The following RGL4 variants were observed in gnomAD, a reference collection of about 807,000 sequenced individuals.
RGL4 encodes the protein ral-GDS-related protein.
Under a neutral mutation model 49.6 loss-of-function variants are expected in RGL4, and 41 were observed. The ratio of observed to expected loss-of-function variants is 0.83; its 90% CI spans 0.64 to 1.07. The LOEUF is 1.07. Ranked by LOEUF, RGL4 falls within the 50% of genes least tolerant of loss-of-function variation. RGL4 has a pLI of 0.00. For missense variants in RGL4, 610 were observed against 591.9 expected, an observed-to-expected ratio of 1.03 and a Z score of -0.32; for synonymous variants, 255 against 238.0, an observed-to-expected ratio of 1.07 and a Z score of -0.66.
chr22:23,697,744 C>T, intron 8 of RGL4, 94 bp from the exon 9 acceptor site: 1 of 1,375,964 alleles, frequency 7.3e-7, no homozygotes, highest in East Asian at 2.4e-5. Flanking sequence ...TCCCCTGACC[C>T]TGGTGGCCCT....
At chr22:23,696,721 G>T (rs768525561) in intron 7 of RGL4, 33 bp downstream of exon 7, 2 of 1,588,364 alleles carry the variant, frequency 1.3e-6, no homozygotes, top group South Asian at 2.2e-5. Context: ...CGGGCCGCAG[G>T]GGATCAGAGG....
In RGL4 at chr22:23,692,144, G is replaced by C; in HGVS notation, c.114G>C (p.Thr38=). Residue 38 remains threonine (T), a synonymous_variant, in exon 1 of 11, where the codon ACG becomes ACC. Coordinates refer to ENST00000290691, the MANE Select transcript of RGL4 (RefSeq NM_153615.2). ...EENVCGTPGR[T]RVCTALLYGQ... ...ATGTCTGTGGGACGCCAGGGCGCAC[G>C]AGGGTCTGTACAGCCCTGCTGTATG... 6.2e-7 allele frequency: 1 copy of C among 1,614,218 alleles called. No homozygotes were observed. The highest frequency in any genetic ancestry group is 8.5e-7 in the Non-Finnish European group (1 of 1,180,040).
chr22:23,691,044 G>A lies in RGL4; in HGVS notation c.-987G>A, dbSNP rs925539358. On this transcript the variant is annotated 5_prime_UTR_variant, in exon 1 of 11. Transcript: ENST00000290691. ...TCTCGGAGCCTCGGTTGGCTCCTCT[G>A]GAACAGGGAGTAGTGAGAAGACGAA... 6.6e-6 allele frequency: 1 copy of A among 152,214 alleles called. No homozygotes were observed. The highest frequency in any genetic ancestry group is 1.5e-5 in the Non-Finnish European group (1 of 68,078). The allele number at this position is 152,214 out of a possible 1,614,324, so 9.4% of individuals were successfully genotyped here.
At chr22:23,698,095 C>T in intron 9 of RGL4, 117 bp from the exon 10 acceptor site, 1 of 1,381,012 alleles carries the variant, frequency 7.2e-7, no homozygotes, top group Non-Finnish European at 9.9e-7. Context: ...GCTGGGGGCG[C>T]TGCATGGGAC....
At chr22:23,696,434 T>G in intron 6 of RGL4, 180 bp from the exon 7 acceptor site, 3 of 1,536,826 alleles carry the variant, frequency 2.0e-6, no homozygotes, top group Non-Finnish European at 2.6e-6. Context: ...GGAAACAGTC[T>G]CAGGGAGGCC....
intron 5 of RGL4, 62 bp from the exon 6 acceptor site, chr22:23,694,888 C>T: frequency 7.7e-7 from 1 of 1,300,844 alleles, no homozygotes; most frequent in Non-Finnish European, 1.1e-6. Context: ...ACAAAAGGGA[C>T]TGGAACTCAC....
rs763866561 is a variant in RGL4, at chr22:23,693,817, A to G, written c.755A>G (p.His252Arg). The change falls in exon 4 of 11, where the codon CAT becomes CGT. Residue 252 changes from histidine to arginine, a missense_variant. By Grantham distance (29) the His-to-Arg change is conservative. Transcript: ENST00000290691. ...TTGGGCTGCATCTGGGGCCAAGGAC[A>G]TCTGAAGGGGAATGAGCACATGGCA... Reference protein sequence around the residue: ...ECLGCIWGQGHLKGNEHMAPT... With the variant: ...ECLGCIWGQGRLKGNEHMAPT... 6.2e-7 allele frequency: 1 copy of G among 1,613,996 alleles called. No individual in the cohort carries two copies. The highest frequency in any genetic ancestry group is 8.5e-7 in the Non-Finnish European group (1 of 1,180,022).
intron 6 of RGL4, chr22:23,696,264 G>T (rs961299272): frequency 5.8e-6 from 7 of 1,205,238 alleles, no homozygotes; most frequent in African/African-American, 1.6e-5. Context: ...AGGCCTCACA[G>T]GGTAGAAATG....
intron 6 of RGL4, chr22:23,695,470 TGC>T: frequency 5.0e-6 from 3 of 603,934 alleles, no homozygotes; most frequent in Non-Finnish European, 2.8e-6. Flanking sequence ...CTGCTGCTGC[TGC>T]TGCTGTCTGC....
chr22:23,696,934 C>T (rs1357894867), intron 7 of RGL4, among the ~76,000 whole-genome samples: 1 of 152,210 alleles, frequency 6.6e-6, no homozygotes, highest in Non-Finnish European at 1.5e-5. Context: ...GTTAAAATCC[C>T]ACCATAGAGG....
chr22:23,698,884 G>A lies in RGL4; in HGVS notation c.*1G>A. Reference sequence around the variant, plus strand: ...CCAGCTGGAGCCCGAAAACCCGTAGGCTGGCAACATCCTGCAGTGGCTGGG... The same window carrying A: ...CCAGCTGGAGCCCGAAAACCCGTAGACTGGCAACATCCTGCAGTGGCTGGG... On this transcript the variant is annotated 3_prime_UTR_variant, in exon 11 of 11. Transcript: ENST00000290691. The A allele has an allele frequency of 6.2e-7, 1 of 1,612,846 alleles. No individual in the cohort carries two copies. Among genetic ancestry groups the A allele is most frequent in the Non-Finnish European group, 8.5e-7 (1 of 1,179,558 alleles).
Position 23,693,795 on chromosome 22 carries a change from G to C in RGL4, c.733G>C (p.Gly245Arg), listed in dbSNP as rs557916817. 1.7e-4 allele frequency: 267 copies of C among 1,614,082 alleles called. 1 individual carries two copies. In the South Asian group the frequency reaches 2.6e-3, roughly 16 times the overall value. Residue 245 changes from glycine to arginine, a missense_variant, in exon 4 of 11, where the codon GGC becomes CGC. Gly to Arg is a moderately radical substitution (Grantham distance 125). Transcript: ENST00000290691. ...FKKVVLHECLGCIWGQGHLKG... is the reference protein window; with the variant it reads ...FKKVVLHECLRCIWGQGHLKG... ...GAAGGTGGTGCTCCACGAATGCTTGGGCTGCATCTGGGGCCAAGGACATCT... is the reference window on the plus strand; with the variant it reads ...GAAGGTGGTGCTCCACGAATGCTTGCGCTGCATCTGGGGCCAAGGACATCT...
chr22:23,696,675 G>A lies in RGL4; in HGVS notation c.1148G>A (p.Arg383Gln), dbSNP rs1005229231. The A allele has an allele frequency of 1.9e-5, 31 of 1,613,046 alleles. No individual in the cohort carries two copies. Among genetic ancestry groups the A allele is most frequent in the Admixed American group, 8.3e-5 (5 of 59,980 alleles). Reference sequence around the variant, plus strand: ...CCCCAGAGAGTCCAGATGAGGCTGCGGAGGCAGAAGAAGGTGAGTGAGCCT... The same window carrying A: ...CCCCAGAGAGTCCAGATGAGGCTGCAGAGGCAGAAGAAGGTGAGTGAGCCT... ...RNPQRVQMRL[R>Q]RQKKGVVPFL... Residue 383 changes from arginine (R) to glutamine (Q), a missense_variant, in exon 7 of 11, where the codon CGG (arginine) becomes CAG (glutamine). Arg to Gln is a conservative substitution (Grantham distance 43). Transcript: ENST00000290691.
rs1212270003 is a variant in RGL4 at position 23,692,544 on chromosome 22, G to A, written c.373+16G>A. The A allele has an allele frequency of 5.0e-6, 8 of 1,608,684 alleles. No homozygotes were observed. The Middle Eastern group carries it at 8.3e-4, about 166-fold the overall frequency. On this transcript the variant is annotated intron_variant, in intron 2 of 10. Coordinates refer to ENST00000290691, the MANE Select transcript of RGL4 (RefSeq NM_153615.2). ...AAGCCAGATGGTGAGGGGGCTTGCA[G>A]TCTGCAAGACTTTCCGGGGGTGGTG...
chr22:23,693,004 G>T lies in RGL4; in HGVS notation c.696+13G>T. 1.3e-6 allele frequency: 2 copies of T among 1,576,528 alleles called. No individual in the cohort carries two copies. The highest frequency in any genetic ancestry group is 1.7e-6 in the Non-Finnish European group (2 of 1,158,314). On this transcript the variant is annotated intron_variant, in intron 3 of 10. Transcript: ENST00000290691. The stretch of plus-strand genomic sequence containing the variant: ...CCTCATGGATGCGGTGAGCAGCTGA[G>T]CTTTGCAGGCTGTGTCTCTGGCACC...
At chr22:23,695,252 T>G in intron 6 of RGL4, 1 of 494,866 alleles carries the variant, frequency 2.0e-6, no homozygotes. Flanking sequence ...AAATGGGATG[T>G]GGCAATGGCT....
intron 10 of RGL4, 103 bp from the exon 11 acceptor site, chr22:23,698,741 G>A (rs140329243): frequency 1.7e-5 from 23 of 1,393,862 alleles, no homozygotes; most frequent in Non-Finnish European, 1.9e-5. Context: ...AAGCCCTGTT[G>A]CATGGGGACC....
intron 7 of RGL4, 118 bp from the exon 8 acceptor site, chr22:23,697,053 G>T: frequency 1.3e-6 from 1 of 788,670 alleles, no homozygotes; most frequent in Non-Finnish European, 2.1e-6. Flanking sequence ...GACCTGAGGA[G>T]GGGGCTCTGG....
Position 23,691,705 on chromosome 22 carries a change from AG to A in RGL4, c.-323del, listed in dbSNP as rs1923146721. On this transcript the variant is annotated 5_prime_UTR_variant, in exon 1 of 11. It removes the in-frame stop codon of an upstream open reading frame in the 5' UTR. Transcript: ENST00000290691. ...AAACTGGGTGGATTTAGGGTTCTGA[AG>A]GGCCTTTTCACCCACAAAACATGGG... 1 of 271,864 alleles carries A rather than the reference AG, an allele frequency of 3.7e-6. No individual in the cohort carries two copies. Among genetic ancestry groups the A allele is most frequent in the African/African-American group, 2.1e-5 (1 of 46,916 alleles). 16.8% of individuals were successfully genotyped at this position (271,864 alleles called of 1,614,324 possible).
Sources: gnomAD v4.1 joint callset for allele counts (sites outside exome capture counted in the v4.1 genomes callset) on GRCh38, gnomAD v4.1.1 for gene constraint, MANE v1.5 for transcripts, NCBI Gene and HGNC (gene_info 2026-07-23, HGNC 2026-07-21) for gene names.